The following PHACTR1 variants were observed in gnomAD, a reference collection of about 807,000 sequenced individuals.
The protein encoded by PHACTR1 is RPEL repeat containing 1.
Under a neutral mutation model 69.2 loss-of-function variants are expected in PHACTR1, and 16 were observed. The observed-to-expected ratio is 0.23, with a 90% CI of 0.16 to 0.35. PHACTR1 has a LOEUF of 0.35. Among genes scored for constraint, PHACTR1 ranks in the 10% least tolerant of loss-of-function variants. The pLI is 1.00. For missense variants in PHACTR1, 510 were observed against 734.7 expected (o/e 0.69, Z 3.54); for synonymous variants, 312 against 284.5 (o/e 1.10, Z -0.97).
At chr6:13,123,328 G>C (rs956699586) in intron 5 of PHACTR1, among the ~76,000 whole-genome samples, 1 of 152,188 alleles carries the variant, frequency 6.6e-6, no homozygotes, top group African/African-American at 2.4e-5. Context: ...CTCCAAATCT[G>C]TATATTCTTA....
At position 13,149,831 on chromosome 6, in the gene PHACTR1, A is replaced by ATT. The variant is rs34449513; in HGVS notation, c.416-10360_416-10359dup. ...AAAAGTTACGAGATTTTTTTTTGCGATTTTTTTTTTTTTTAGCTCATCAAC... is the reference window on the plus strand; with the variant it reads ...AAAAGTTACGAGATTTTTTTTTGCGATTTTTTTTTTTTTTTTAGCTCATCAAC... On this transcript the variant is annotated intron_variant, in intron 5 of 14. Transcript: ENST00000332995. Among the ~76,000 whole-genome samples the ATT allele has an allele frequency of 8.9e-3, 1,298 of 145,804 alleles. 12 individuals carry two copies. The highest frequency in any genetic ancestry group is 0.027 in the African/African-American group (1,067 of 39,668).
At chr6:13,141,919 A>G (rs1204266691) in intron 5 of PHACTR1, among the ~76,000 whole-genome samples, 1 of 151,826 alleles carries the variant, frequency 6.6e-6, no homozygotes, top group Non-Finnish European at 1.5e-5. Context: ...GATAATGGAT[A>G]TTTTCCACAC....
At chr6:13,110,572 T>A (rs1302182794) in intron 5 of PHACTR1, among the ~76,000 whole-genome samples, 1 of 152,222 alleles carries the variant, frequency 6.6e-6, no homozygotes, top group Non-Finnish European at 1.5e-5. Flanking sequence ...AGTACTCTGT[T>A]TCTCATATTC....
chr6:12,994,090 A>G (rs921282108), intron 4 of PHACTR1, among the ~76,000 whole-genome samples: 57 of 152,172 alleles, frequency 3.7e-4, no homozygotes, highest in African/African-American at 1.3e-3. Flanking sequence ...AAACAACAGT[A>G]AAAAAAGACA....
At chr6:12,905,498 C>A (rs958241931) in intron 4 of PHACTR1, among the ~76,000 whole-genome samples, 2 of 152,160 alleles carry the variant, frequency 1.3e-5, no homozygotes, top group African/African-American at 2.4e-5. Context: ...CTTCTGGGGT[C>A]CAGAACTGAG....
chr6:12,798,039 G>GACACACACACACACACACACACACACAC (rs10529531), intron 4 of PHACTR1, among the ~76,000 whole-genome samples: 21 of 137,878 alleles, frequency 1.5e-4, no homozygotes, highest in African/African-American at 5.0e-4. Flanking sequence ...TCATTTCCTA[G>GACACACACACACACACACACACACACAC]ACACACACAC....
At chr6:13,161,091 C>G (rs1253875925) in intron 6 of PHACTR1, among the ~76,000 whole-genome samples, 1 of 152,062 alleles carries the variant, frequency 6.6e-6, no homozygotes, top group East Asian at 1.9e-4. Context: ...GGGATCCTCT[C>G]GCCTCAGCCT....
chr6:13,090,124 G>T (rs1267785157), intron 5 of PHACTR1, among the ~76,000 whole-genome samples: 1 of 152,022 alleles, frequency 6.6e-6, no homozygotes, highest in Non-Finnish European at 1.5e-5. Context: ...GCGCGATCTC[G>T]GCTCACTGCA....
chr6:12,927,180 C>T (rs554626632), intron 4 of PHACTR1, among the ~76,000 whole-genome samples: 154 of 152,296 alleles, frequency 1.0e-3, no homozygotes, highest in African/African-American at 3.3e-3. Context: ...AAAATCCAGG[C>T]GAGTGGCAGA....
chr6:13,075,064 C>G (rs780615525), intron 5 of PHACTR1, among the ~76,000 whole-genome samples: 1 of 152,142 alleles, frequency 6.6e-6, no homozygotes, highest in Non-Finnish European at 1.5e-5. Flanking sequence ...CATATGTATG[C>G]GTTGCTTTTA....
chr6:13,003,950 C>CATATATATATATATATATATATATAT lies in PHACTR1; in HGVS notation c.251-49415_251-49414insATATATATATATATATATATATATAT, dbSNP rs1562119669. Among the ~76,000 whole-genome samples the CATATATATATATATATATATATATAT allele has an allele frequency of 6.7e-3, 544 of 81,168 alleles. 37 individuals carry two copies. Among genetic ancestry groups the CATATATATATATATATATATATATAT allele is most frequent in the African/African-American group, 0.022 (351 of 15,684 alleles). 53.2% of individuals were successfully genotyped at this position (81,168 alleles called of 152,430 possible). On this transcript the variant is annotated intron_variant, in intron 4 of 14. Coordinates refer to ENST00000332995, the MANE Select transcript of PHACTR1 (RefSeq NM_030948.6). ...TCTTTTTTTATGGCTCAGTAGTATT[C>CATATATATATATATATATATATATAT]CTATATATATATATGTATATATATA...
At chr6:13,208,723 A>T (rs1766325466) in intron 8 of PHACTR1, among the ~76,000 whole-genome samples, 1 of 151,570 alleles carries the variant, frequency 6.6e-6, no homozygotes, top group Admixed American at 6.6e-5. Context: ...TAGCATGTTA[A>T]TAGTATATTG....
intron 4 of PHACTR1, among the ~76,000 whole-genome samples, chr6:13,009,448 G>A (rs1461393566): frequency 6.6e-6 from 1 of 152,036 alleles, no homozygotes; most frequent in African/African-American, 2.4e-5. Flanking sequence ...ATTTCTATTT[G>A]AGTACACTTC....
At chr6:12,773,847 T>C (rs1769701914) in intron 4 of PHACTR1, among the ~76,000 whole-genome samples, 1 of 152,256 alleles carries the variant, frequency 6.6e-6, no homozygotes, top group Non-Finnish European at 1.5e-5. Context: ...GAGCTCATCT[T>C]TTCTTTTTTT....
chr6:13,208,538 C>T (rs554622864), intron 8 of PHACTR1, among the ~76,000 whole-genome samples: 10 of 152,184 alleles, frequency 6.6e-5, no homozygotes, highest in Admixed American at 2.0e-4. Flanking sequence ...GCTAAGCCTC[C>T]AGCCTGGGTC....
chr6:13,233,237 G>T (rs923411977), intron 10 of PHACTR1, among the ~76,000 whole-genome samples: 1 of 152,036 alleles, frequency 6.6e-6, no homozygotes, highest in African/African-American at 2.4e-5. Flanking sequence ...AAAACCCAGA[G>T]GTGGGAAGAG....
chr6:13,043,478 A>G (rs951558303), intron 4 of PHACTR1, among the ~76,000 whole-genome samples: 2 of 152,138 alleles, frequency 1.3e-5, no homozygotes, highest in African/African-American at 4.8e-5. Flanking sequence ...AAGATTATCC[A>G]CAGCTCTATA....
chr6:13,194,709 G>A (rs754693415), intron 7 of PHACTR1, among the ~76,000 whole-genome samples: 86 of 152,104 alleles, frequency 5.7e-4, no homozygotes, highest in Non-Finnish European at 7.4e-4. Flanking sequence ...TTGTTAATTA[G>A]CCTGATTTAA....
chr6:12,779,014 T>C (rs989027360), intron 4 of PHACTR1, among the ~76,000 whole-genome samples: 3 of 152,118 alleles, frequency 2.0e-5, no homozygotes, highest in African/African-American at 7.2e-5. Context: ...CCTGCATAAC[T>C]GTACATGGAA....
Sources: gnomAD v4.1 joint callset for allele counts (sites outside exome capture counted in the v4.1 genomes callset) on GRCh38, gnomAD v4.1.1 for gene constraint, MANE v1.5 for transcripts, NCBI Gene and HGNC (gene_info 2026-07-23, HGNC 2026-07-21) for gene names.